CSMD1: variants seen among roughly 807,000 people sequenced by gnomAD.
CSMD1 encodes the protein CUB and Sushi multiple domains 1, also known as CUB and sushi domain-containing protein 1.
Under a neutral mutation model 417.5 loss-of-function variants are expected in CSMD1, and 213 were observed. That is an observed-to-expected ratio of 0.51 (90% CI 0.46 to 0.57). The LOEUF (loss-of-function observed/expected upper bound fraction) is 0.57. CSMD1 is among the 20% of genes least tolerant of loss of function. The probability of loss-of-function intolerance (pLI) is 0.00; values close to 1 mark genes in which losing one functional copy is unlikely to be tolerated. For missense variants in CSMD1, 6,923 were observed against 4,529.7 expected, an observed-to-expected ratio of 1.53 and a Z score of -15.17; for synonymous variants, 2,862 against 1,736.8, an observed-to-expected ratio of 1.65 and a Z score of -16.11.
chr8:4,218,088 A>T (rs1393370801), intron 3 of CSMD1, among the ~76,000 whole-genome samples: 1 of 152,162 alleles, frequency 6.6e-6, no homozygotes, highest in South Asian at 2.1e-4. Context: ...CAATTTTTTG[A>T]ATTTTTGCAA....
chr8:4,188,413 G>C (rs943392950), intron 3 of CSMD1, among the ~76,000 whole-genome samples: 15 of 152,156 alleles, frequency 9.9e-5, no homozygotes, highest in Admixed American at 7.2e-4. Flanking sequence ...TATTGCCTCA[G>C]ATTATTTCGG....
At chr8:4,808,845 A>C (rs192827117) in intron 1 of CSMD1, among the ~76,000 whole-genome samples, 4 of 152,354 alleles carry the variant, frequency 2.6e-5, no homozygotes, top group Non-Finnish European at 4.4e-5. Context: ...TTTAAAAGTT[A>C]TCTCTCCATG....
chr8:3,346,013 C>A (rs1311543650), intron 22 of CSMD1, among the ~76,000 whole-genome samples: 2 of 151,992 alleles, frequency 1.3e-5, no homozygotes, highest in Non-Finnish European at 2.9e-5. Context: ...AAATTTTAGT[C>A]TTTATTATTA....
At chr8:4,726,077 T>G (rs1481632662) in intron 1 of CSMD1, among the ~76,000 whole-genome samples, 1 of 152,170 alleles carries the variant, frequency 6.6e-6, no homozygotes, top group Non-Finnish European at 1.5e-5. Flanking sequence ...CACTGACAAA[T>G]GATCCGTGAT....
At chr8:3,135,937 G>A (rs554384113) in intron 41 of CSMD1, among the ~76,000 whole-genome samples, 2 of 152,236 alleles carry the variant, frequency 1.3e-5, no homozygotes, top group East Asian at 3.9e-4. Context: ...ATCACAACAG[G>A]GGCAAAAAGA....
intron 1 of CSMD1, among the ~76,000 whole-genome samples, chr8:4,830,180 A>G (rs1458973661): frequency 6.6e-6 from 1 of 152,222 alleles, no homozygotes; most frequent in Non-Finnish European, 1.5e-5. Flanking sequence ...TCTTGTTTAC[A>G]GCAATGGGAT....
At chr8:3,241,757 G>A (rs1305712449) in intron 26 of CSMD1, among the ~76,000 whole-genome samples, 1 of 152,098 alleles carries the variant, frequency 6.6e-6, no homozygotes, top group East Asian at 1.9e-4. Flanking sequence ...TTGTGTGCTG[G>A]AGATGTGGCT....
At chr8:4,128,449 C>G (rs1409753701) in intron 3 of CSMD1, among the ~76,000 whole-genome samples, 4 of 152,206 alleles carry the variant, frequency 2.6e-5, no homozygotes, top group African/African-American at 4.8e-5. Flanking sequence ...TATGAATGCA[C>G]ATATGCCATT....
At chr8:3,547,825 C>G (rs1419321840) in intron 10 of CSMD1, among the ~76,000 whole-genome samples, 1 of 152,046 alleles carries the variant, frequency 6.6e-6, no homozygotes, top group East Asian at 1.9e-4. Flanking sequence ...TAAAGACATG[C>G]AAACAAAGTT....
chr8:3,914,664 A>G (rs1808692521), intron 5 of CSMD1, among the ~76,000 whole-genome samples: 1 of 152,166 alleles, frequency 6.6e-6, no homozygotes, highest in African/African-American at 2.4e-5. Flanking sequence ...CCACGTTAGT[A>G]TGCATTAAGT....
chr8:2,986,478 G>T (rs1563208277), intron 54 of CSMD1, among the ~76,000 whole-genome samples: 1 of 152,018 alleles, frequency 6.6e-6, no homozygotes, highest in Admixed American at 6.6e-5. Context: ...GGCCTACACA[G>T]ATATTAATAT....
intron 5 of CSMD1, among the ~76,000 whole-genome samples, chr8:3,768,193 G>A (rs553492012): frequency 6.6e-6 from 1 of 152,290 alleles, no homozygotes; most frequent in Admixed American, 6.5e-5. Context: ...GAATCTTTAG[G>A]AAGAGTGGTT....
At chr8:4,860,187 C>T (rs541946130) in intron 1 of CSMD1, among the ~76,000 whole-genome samples, 89 of 143,892 alleles carry the variant, frequency 6.2e-4, no homozygotes, top group African/African-American at 2.2e-3. Context: ...CGCATATTCT[C>T]ACTCATAGGT....
At chr8:3,449,280 C>G (rs1390732927) in intron 12 of CSMD1, among the ~76,000 whole-genome samples, 2 of 152,130 alleles carry the variant, frequency 1.3e-5, no homozygotes, top group Admixed American at 6.5e-5. Context: ...ATCTGAGAGA[C>G]TAAACTCAGC....
At chr8:3,936,384 A>C (rs1810496364) in intron 5 of CSMD1, among the ~76,000 whole-genome samples, 1 of 152,134 alleles carries the variant, frequency 6.6e-6, no homozygotes, top group Non-Finnish European at 1.5e-5. Flanking sequence ...ATAGCTAGAG[A>C]AAAGAAGTCA....
chr8:4,098,592 CCTCT>C (rs1329458988), intron 3 of CSMD1, among the ~76,000 whole-genome samples: 3 of 151,880 alleles, frequency 2.0e-5, no homozygotes, highest in African/African-American at 7.3e-5. Context: ...AACTCAACAC[CCTCT>C]CTAAGGTTCA....
intron 3 of CSMD1, among the ~76,000 whole-genome samples, chr8:4,369,401 G>C (rs1584968480): frequency 6.6e-6 from 1 of 152,190 alleles, no homozygotes; most frequent in East Asian, 1.9e-4. Context: ...GTGCAGGTAA[G>C]AAGAAAGTAT....
intron 34 of CSMD1, among the ~76,000 whole-genome samples, chr8:3,189,399 G>A (rs1796279463): frequency 6.6e-6 from 1 of 152,178 alleles, no homozygotes; most frequent in Non-Finnish European, 1.5e-5. Context: ...TGGGATTTAT[G>A]AGCAAATTCA....
chr8:4,624,628 C>A (rs1239490127), intron 2 of CSMD1, among the ~76,000 whole-genome samples: 1 of 152,132 alleles, frequency 6.6e-6, no homozygotes, highest in Non-Finnish European at 1.5e-5. Flanking sequence ...CACATTTTTG[C>A]CTGGCAACGG....
Sources: gnomAD v4.1 joint callset for allele counts (sites outside exome capture counted in the v4.1 genomes callset) on GRCh38, gnomAD v4.1.1 for gene constraint, MANE v1.5 for transcripts, NCBI Gene and HGNC (gene_info 2026-07-23, HGNC 2026-07-21) for gene names.